The following PAX7 variants were observed in gnomAD, a reference collection of about 807,000 sequenced individuals.
PAX7 encodes paired box 7, also known as paired box protein Pax-7.
PAX7 carries 18 observed loss-of-function variants against 50.7 expected under a neutral mutation model. The ratio of observed to expected loss-of-function variants is 0.36; its 90% confidence interval spans 0.25 to 0.53. The LOEUF (loss-of-function observed/expected upper bound fraction) is 0.53. Ranked by LOEUF, PAX7 falls within the 20% of genes least tolerant of loss-of-function variation. The pLI is 0.93. For synonymous variants in PAX7, 310 were observed against 290.4 expected, an observed-to-expected ratio of 1.07 and a Z score of -0.69; for missense variants, 644 against 702.9, an observed-to-expected ratio of 0.92 and a Z score of 0.95.
intron 7 of PAX7, among the ~76,000 whole-genome samples, chr1:18,703,653 T>G (rs1415365313): frequency 2.0e-5 from 3 of 152,222 alleles, no homozygotes; most frequent in Non-Finnish European, 2.9e-5. Context: ...CTGCTTTGGA[T>G]GAAGTCAGAG....
intron 3 of PAX7, 32 bp downstream of exon 3, chr1:18,635,272 C>A (rs1175407840): frequency 6.2e-7 from 1 of 1,610,718 alleles, no homozygotes; most frequent in Admixed American, 1.7e-5. Flanking sequence ...CAGAGCTGGC[C>A]CAGAGTGTGG....
intron 4 of PAX7, among the ~76,000 whole-genome samples, chr1:18,640,610 G>T (rs904906746): frequency 2.1e-4 from 32 of 152,112 alleles, no homozygotes; most frequent in Admixed American, 2.0e-3. Flanking sequence ...TTTAGAGAAA[G>T]GTAATTGACA....
At chr1:18,674,022 C>A (rs1486663870) in intron 4 of PAX7, among the ~76,000 whole-genome samples, 1 of 152,164 alleles carries the variant, frequency 6.6e-6, no homozygotes, top group Non-Finnish European at 1.5e-5. Context: ...ACAAAACAAT[C>A]CTAACACACT....
At chr1:18,660,662 A>G (rs1307598833) in intron 4 of PAX7, among the ~76,000 whole-genome samples, 1 of 152,130 alleles carries the variant, frequency 6.6e-6, no homozygotes, top group African/African-American at 2.4e-5. Flanking sequence ...CTAGCCCCAG[A>G]GAGCTGACCT....
In PAX7 at chr1:18,726,010, G is replaced by A. The variant is rs184940625; in HGVS notation, c.1156-9622G>A. Among the ~76,000 whole-genome samples, 66 of 150,858 alleles carry A rather than the reference G, an allele frequency of 4.4e-4. No individual in the cohort carries two copies. Among genetic ancestry groups the A allele is most frequent in the Middle Eastern group, 6.8e-3 (2 of 292 alleles). On this transcript the variant is annotated intron_variant, in intron 7 of 8. Transcript: ENST00000420770. The surrounding 1 kb of genome is among the most constrained non-coding windows in gnomAD (Gnocchi z 4.8). Reference sequence around the variant, plus strand: ...TGTGTGTGTGCGCGCGCGCGCGTGCGCGCGTGTGTGTGCGTGTGTTTGTGT... The same window carrying A: ...TGTGTGTGTGCGCGCGCGCGCGTGCACGCGTGTGTGTGCGTGTGTTTGTGT...
At chr1:18,692,799 A>G (rs989098453) in intron 5 of PAX7, among the ~76,000 whole-genome samples, 1 of 152,180 alleles carries the variant, frequency 6.6e-6, no homozygotes, top group Non-Finnish European at 1.5e-5. Context: ...GACCCTGAAC[A>G]TCCCCTCCAT....
At chr1:18,710,315 C>T (rs1486838019) in intron 7 of PAX7, among the ~76,000 whole-genome samples, 3 of 152,156 alleles carry the variant, frequency 2.0e-5, no homozygotes, top group Non-Finnish European at 2.9e-5. Context: ...CAAGACAGTC[C>T]TCTTGCCCTA....
chr1:18,686,801 C>T (rs984048532), intron 4 of PAX7, among the ~76,000 whole-genome samples: 10 of 152,168 alleles, frequency 6.6e-5, no homozygotes, highest in African/African-American at 2.4e-4. Context: ...TCATCACCAC[C>T]GTCATTGTCC....
intron 7 of PAX7, among the ~76,000 whole-genome samples, chr1:18,708,957 C>G (rs868591231): frequency 6.6e-6 from 1 of 152,150 alleles, no homozygotes; most frequent in South Asian, 2.1e-4. Context: ...AGATCCCAAG[C>G]AAAGAACCAG....
chr1:18,746,777 C>A lies in PAX7; in HGVS notation c.*1848C>A, dbSNP rs967331403. ...ATTCTAGGACACTCACCTGCATGGACATCACCTCTGTGACAAATGCTTACC... is the reference window on the plus strand; with the variant it reads ...ATTCTAGGACACTCACCTGCATGGAAATCACCTCTGTGACAAATGCTTACC... On this transcript the variant is annotated 3_prime_UTR_variant, in exon 9 of 9. Transcript: ENST00000420770. 5 of 232,126 alleles carry A rather than the reference C, an allele frequency of 2.2e-5. No individual in the cohort carries two copies. The East Asian group carries it at 3.0e-4, about 14-fold the overall frequency. 14.4% of individuals were successfully genotyped at this position (232,126 alleles called of 1,614,324 possible).
intron 4 of PAX7, among the ~76,000 whole-genome samples, chr1:18,653,754 T>C (rs2088470855): frequency 6.6e-6 from 1 of 151,978 alleles, no homozygotes; most frequent in African/African-American, 2.4e-5. Flanking sequence ...AGTCATCTGC[T>C]TGAAGTCATC....
intron 4 of PAX7, among the ~76,000 whole-genome samples, chr1:18,644,218 C>G (rs1451515842): frequency 6.6e-6 from 1 of 152,236 alleles, no homozygotes; most frequent in Non-Finnish European, 1.5e-5. Context: ...GTTCCATCCC[C>G]TCCTCCGACC....
chr1:18,665,526 C>T (rs1358808313), intron 4 of PAX7, among the ~76,000 whole-genome samples: 8 of 152,126 alleles, frequency 5.3e-5, no homozygotes, highest in Admixed American at 5.2e-4. Flanking sequence ...TAGGCACGTG[C>T]CACCACACCC....
chr1:18,684,774 T>A (rs1193456636), intron 4 of PAX7, among the ~76,000 whole-genome samples: 1 of 152,182 alleles, frequency 6.6e-6, no homozygotes, highest in Non-Finnish European at 1.5e-5. Context: ...GGGGCCTATG[T>A]TAAACTGTAA....
Position 18,636,424 on chromosome 1 carries a change from G to T in PAX7, c.586+53G>T. 6.3e-7 allele frequency: 1 copy of T among 1,597,518 alleles called. No homozygotes were observed. The highest frequency in any genetic ancestry group is 8.5e-7 in the Non-Finnish European group (1 of 1,169,904). ...CCCAGCCCGGGTTTTCCCACGCTCCGGTGTGCGGGCCAGTGGTTCGCTCCC... is the reference window on the plus strand; with the variant it reads ...CCCAGCCCGGGTTTTCCCACGCTCCTGTGTGCGGGCCAGTGGTTCGCTCCC... On this transcript the variant is annotated intron_variant, in intron 4 of 8. Transcript: ENST00000420770. This position sits in a 1 kb window ranked among gnomAD's most constrained non-coding sequence, Gnocchi z 5.1.
At chr1:18,662,416 G>GTTCATTCA (rs534267038) in intron 4 of PAX7, among the ~76,000 whole-genome samples, 35 of 152,016 alleles carry the variant, frequency 2.3e-4, no homozygotes, top group South Asian at 1.7e-3. Flanking sequence ...TCCTTCTTTA[G>GTTCATTCA]TTCATTCATT....
At chr1:18,712,997 G>A (rs375524622) in intron 7 of PAX7, among the ~76,000 whole-genome samples, 17 of 152,126 alleles carry the variant, frequency 1.1e-4, no homozygotes, top group Non-Finnish European at 1.8e-4. Context: ...GGGGAGGATC[G>A]TTTGAATCCA....
chr1:18,665,672 C>CTTTTTTTTT (rs3079732), intron 4 of PAX7, among the ~76,000 whole-genome samples: 1 of 122,268 alleles, frequency 8.2e-6, no homozygotes, highest in Non-Finnish European at 1.6e-5. Flanking sequence ...TGCGCCCAGC[C>CTTTTTTTTT]TTTTTTTTTT....
intron 4 of PAX7, among the ~76,000 whole-genome samples, chr1:18,639,596 G>A (rs531456745): frequency 1.3e-5 from 2 of 152,184 alleles, no homozygotes; most frequent in African/African-American, 2.4e-5. Flanking sequence ...TAGACAGGCC[G>A]GGGACCCAAC....
Sources: gnomAD v4.1 joint callset for allele counts (sites outside exome capture counted in the v4.1 genomes callset) on GRCh38, gnomAD v4.1.1 for gene constraint, Gnocchi (gnomAD v3.1) non-coding constraint, MANE v1.5 for transcripts, NCBI Gene and HGNC (gene_info 2026-07-23, HGNC 2026-07-21) for gene names.